Variants in PRDM2 observed in about 807,000 individuals in gnomAD.
PRDM2 encodes PR domain zinc finger protein 2.
PRDM2 carries 30 observed loss-of-function variants against 130.0 expected under a neutral mutation model. The ratio of observed to expected loss-of-function variants is 0.23; its 90% CI spans 0.17 to 0.31. The LOEUF is 0.31. Ranked by LOEUF, PRDM2 falls within the 10% of genes least tolerant of loss-of-function variation. The pLI, the probability that PRDM2 is intolerant of heterozygous loss-of-function variation, is 1.00. For synonymous variants in PRDM2, 871 were observed against 782.4 expected, an observed-to-expected ratio of 1.11 and a Z score of -1.89; for missense variants, 2,011 against 2,108.4, an observed-to-expected ratio of 0.95 and a Z score of 0.90.
intron 2 of PRDM2, chr1:13,717,362 C>T (rs2100422029): frequency 1.0e-6 from 1 of 968,092 alleles, no homozygotes; most frequent in East Asian, 1.1e-4. Context: ...CCCAAAGGAG[C>T]TCGGTTCTCT....
In PRDM2 at chr1:13,773,168, A is replaced by G. The variant is rs1352585100; in HGVS notation, c.602A>G (p.Asn201Ser). The part of the protein sequence containing the change: ...KTSEPDFTSA[N>S]MRDSAEGPKE... ...AGTGAGCCAGATTTCACCTCTGCAAATATGAGAGATTCTGCAGAAGGTAAG... is the reference window on the plus strand; with the variant it reads ...AGTGAGCCAGATTTCACCTCTGCAAGTATGAGAGATTCTGCAGAAGGTAAG... The change falls in exon 7 of 10, where the codon AAT (asparagine) becomes AGT (serine). Residue 201 changes from asparagine (N) to serine (S), a missense_variant. Asn to Ser is a conservative substitution (Grantham distance 46). Transcript: ENST00000311066. 4 of 1,561,388 alleles carry G rather than the reference A, an allele frequency of 2.6e-6. No homozygotes were observed. Among genetic ancestry groups the G allele is most frequent in the African/African-American group, 2.7e-5 (2 of 72,744 alleles).
chr1:13,712,291 A>G (rs143459982), intron 1 of PRDM2, among the ~76,000 whole-genome samples: 130 of 152,342 alleles, frequency 8.5e-4, no homozygotes, highest in African/African-American at 2.9e-3. Context: ...GTACTATTGT[A>G]ATTATTCAAT....
At chr1:13,727,477 A>G (rs1005543094) in intron 2 of PRDM2, among the ~76,000 whole-genome samples, 1 of 150,830 alleles carries the variant, frequency 6.6e-6, no homozygotes, top group African/African-American at 2.4e-5. Flanking sequence ...CTGGTCTCGA[A>G]CTCCTGACCT....
At chr1:13,709,561 A>G (rs895602794) in intron 1 of PRDM2, among the ~76,000 whole-genome samples, 1 of 152,174 alleles carries the variant, frequency 6.6e-6, no homozygotes, top group Non-Finnish European at 1.5e-5. Flanking sequence ...TAAAAGCTGC[A>G]TCATCTCTGT....
At chr1:13,733,195 G>A (rs537226757) in intron 4 of PRDM2, among the ~76,000 whole-genome samples, 5 of 152,222 alleles carry the variant, frequency 3.3e-5, no homozygotes, top group South Asian at 2.1e-4. Context: ...TTCACAGGCC[G>A]CCACATAAAC....
chr1:13,774,967 CAA>C (rs35869788), intron 7 of PRDM2, among the ~76,000 whole-genome samples: 19 of 99,440 alleles, frequency 1.9e-4, no homozygotes, highest in African/African-American at 2.2e-4. Flanking sequence ...GACTCCGTCT[CAA>C]AAAAAAAAAA....
At chr1:13,750,258 C>CT (rs955705811) in intron 6 of PRDM2, among the ~76,000 whole-genome samples, 176 of 141,540 alleles carry the variant, frequency 1.2e-3, no homozygotes, top group African/African-American at 3.4e-3. Flanking sequence ...CACGTTGGGG[C>CT]TTTTTTTTTT....
chr1:13,793,487 G>A (rs1644874365), intron 8 of PRDM2, among the ~76,000 whole-genome samples: 1 of 152,182 alleles, frequency 6.6e-6, no homozygotes. Context: ...ACTTGGGGAC[G>A]AGGCTGTTGC....
intron 8 of PRDM2, among the ~76,000 whole-genome samples, chr1:13,807,785 G>A (rs939979641): frequency 3.3e-5 from 5 of 152,184 alleles, no homozygotes; most frequent in African/African-American, 9.7e-5. Flanking sequence ...TATAGATAAT[G>A]CCCTTGCATT....
At chr1:13,731,163 G>C in intron 3 of PRDM2, 46 bp downstream of exon 3, 2 of 1,517,598 alleles carry the variant, frequency 1.3e-6, no homozygotes, top group Middle Eastern at 3.4e-4. Flanking sequence ...GTAAAGAGCA[G>C]GTGGCAGTGA....
At chr1:13,757,433 G>A (rs1197131744) in intron 6 of PRDM2, among the ~76,000 whole-genome samples, 1 of 152,182 alleles carries the variant, frequency 6.6e-6, no homozygotes, top group African/African-American at 2.4e-5. Flanking sequence ...GCAGAGGATC[G>A]AGTTTAGGAT....
chr1:13,776,506 GTC>G (rs1457863587), intron 7 of PRDM2, among the ~76,000 whole-genome samples: 1 of 152,150 alleles, frequency 6.6e-6, no homozygotes, highest in East Asian at 1.9e-4. Context: ...TTTTCTTCCA[GTC>G]TCTTCTCCAT....
intron 6 of PRDM2, among the ~76,000 whole-genome samples, chr1:13,753,529 A>T (rs898609810): frequency 6.6e-6 from 1 of 152,252 alleles, no homozygotes; most frequent in Non-Finnish European, 1.5e-5. Context: ...GAAATTGTAC[A>T]TATTTGAAAT....
chr1:13,704,486 G>C (rs1180919314), intron 1 of PRDM2, among the ~76,000 whole-genome samples: 1 of 152,120 alleles, frequency 6.6e-6, no homozygotes, highest in African/African-American at 2.4e-5. Flanking sequence ...TTATTTTCCA[G>C]CCATTTTGGT....
At chr1:13,738,262 C>G (rs182775083) in intron 4 of PRDM2, among the ~76,000 whole-genome samples, 4 of 152,124 alleles carry the variant, frequency 2.6e-5, no homozygotes, top group Admixed American at 2.0e-4. Context: ...TGTTGTGGAC[C>G]CTTTTGAGAA....
In PRDM2 at chr1:13,710,426, A is replaced by T. The variant is rs547260242; in HGVS notation, c.-65-5115A>T. 2.6e-5 allele frequency among the ~76,000 whole-genome samples: 4 copies of T among 152,258 alleles called. No homozygotes were observed. In the South Asian group the frequency reaches 8.3e-4, roughly 31 times the overall value. ...TATTGATACTGATCATTAATCATCA[A>T]ATCATCTTTATGCTATTAATAAATG... On this transcript the variant is annotated intron_variant, in intron 1 of 9. Transcript: ENST00000311066.
intron 8 of PRDM2, chr1:13,787,145 A>T (rs964302613): frequency 2.0e-6 from 2 of 985,184 alleles, no homozygotes; most frequent in African/African-American, 3.5e-5. Flanking sequence ...TTTTATGCCT[A>T]TTCTGGTGTT....
At chr1:13,788,008 C>G in intron 8 of PRDM2, 3 of 983,694 alleles carry the variant, frequency 3.0e-6, no homozygotes, top group Non-Finnish European at 3.6e-6. Flanking sequence ...TTGCTGCAAA[C>G]ACTTAATAAC....
intron 8 of PRDM2, among the ~76,000 whole-genome samples, chr1:13,814,316 C>T (rs994066808): frequency 2.6e-5 from 4 of 152,160 alleles, no homozygotes; most frequent in Non-Finnish European, 5.9e-5. Flanking sequence ...CTGAGCTGAC[C>T]GTGGGCCTTG....
Sources: allele counts gnomAD v4.1 joint callset (sites outside exome capture counted in the v4.1 genomes callset), GRCh38; gene constraint gnomAD v4.1.1; transcripts MANE v1.5; gene names NCBI Gene and HGNC (gene_info 2026-07-23, HGNC 2026-07-21).